Variants in ZNF423 observed in about 807,000 individuals in gnomAD.
ZNF423 encodes Ebf-associated zinc finger protein.
In ZNF423, 12 loss-of-function variants were observed where a neutral mutation model predicts 95.8. That is an observed-to-expected ratio of 0.13 (90% confidence interval 0.08 to 0.20). ZNF423 has a LOEUF of 0.20. Among genes scored for constraint, ZNF423 ranks in the 10% least tolerant of loss-of-function variants. ZNF423 has a pLI of 1.00. For synonymous variants in ZNF423, 749 were observed against 711.9 expected, an observed-to-expected ratio of 1.05 and a Z score of -0.83; for missense variants, 1,316 against 1,737.1, an observed-to-expected ratio of 0.76 and a Z score of 4.31.
At chr16:49,623,561 A>G (rs761679397) in intron 5 of ZNF423, among the ~76,000 whole-genome samples, 1 of 152,228 alleles carries the variant, frequency 6.6e-6, no homozygotes, top group Non-Finnish European at 1.5e-5. Flanking sequence ...ACATTTTTAG[A>G]TATCTTCATC....
At chr16:49,801,097 T>A in intron 1 of ZNF423, among the ~76,000 whole-genome samples, 1 of 152,164 alleles carries the variant, frequency 6.6e-6, no homozygotes, top group South Asian at 2.1e-4. Flanking sequence ...TTTTTCTTCT[T>A]CTAAAACAGT....
At chr16:49,611,149 A>G (rs1013231083) in intron 5 of ZNF423, among the ~76,000 whole-genome samples, 1 of 152,066 alleles carries the variant, frequency 6.6e-6, no homozygotes, top group African/African-American at 2.4e-5. Flanking sequence ...TCATTGACCA[A>G]CAGGATCTAA....
chr16:49,727,253 G>A (rs1447396651), intron 3 of ZNF423, among the ~76,000 whole-genome samples: 1 of 152,182 alleles, frequency 6.6e-6, no homozygotes, highest in East Asian at 1.9e-4. Context: ...TGCCACTCCT[G>A]CTGAGGACAA....
At chr16:49,506,030 A>C (rs1290652008) in intron 7 of ZNF423, among the ~76,000 whole-genome samples, 1 of 152,142 alleles carries the variant, frequency 6.6e-6, no homozygotes, top group African/African-American at 2.4e-5. Context: ...CATCCCACTC[A>C]TCTCACCAGA....
chr16:49,667,188 C>T (rs1240624869), intron 3 of ZNF423, among the ~76,000 whole-genome samples: 1 of 152,180 alleles, frequency 6.6e-6, no homozygotes, highest in Non-Finnish European at 1.5e-5. Flanking sequence ...AGTCCCTATC[C>T]CAAGGGGCAG....
At chr16:49,602,412 G>A (rs1301649607) in intron 5 of ZNF423, among the ~76,000 whole-genome samples, 2 of 152,246 alleles carry the variant, frequency 1.3e-5, no homozygotes, top group African/African-American at 2.4e-5. Flanking sequence ...AGCCCAGGCT[G>A]AGGGTGGGGG....
Position 49,855,993 on chromosome 16 carries a change from A to T in ZNF423, c.-219T>A, listed in dbSNP as rs1597067914. 1 of 148,118 alleles carries T rather than the reference A, an allele frequency of 6.8e-6. No homozygotes were observed. Among genetic ancestry groups the T allele is most frequent in the Admixed American group, 6.6e-5 (1 of 15,052 alleles). The allele number at this position is 148,118 out of a possible 1,614,324, so 9.2% of individuals were successfully genotyped here. On this transcript the variant is annotated 5_prime_UTR_variant, in exon 1 of 8. Coordinates refer to ENST00000563137, the MANE Select transcript of ZNF423 (RefSeq NM_001379286.1). The surrounding 1 kb of genome is among the most constrained non-coding windows in gnomAD (Gnocchi z 4.7). The stretch of plus-strand genomic sequence containing the variant: ...GCCGAGGCCGCTCGAAGGCGGGGGG[A>T]GGCCCGGGGGGCGCGCCGGGGCCCT...
intron 2 of ZNF423, among the ~76,000 whole-genome samples, chr16:49,770,018 C>T (rs11865138): frequency 0.5 from 76,642 of 151,812 alleles, 19,597 homozygotes; most frequent in African/African-American, 0.58. Context: ...CTGGCCACCC[C>T]TAGTGAAAGC....
intron 2 of ZNF423, among the ~76,000 whole-genome samples, chr16:49,733,177 C>T (rs1236147013): frequency 6.6e-6 from 1 of 151,678 alleles, no homozygotes; most frequent in Non-Finnish European, 1.5e-5. Flanking sequence ...GTCAAGTGCC[C>T]GTCTCCGAAA....
At position 49,635,784 on chromosome 16, in the gene ZNF423, G is replaced by A; in HGVS notation, c.3392C>T (p.Pro1131Leu). The A allele has an allele frequency of 6.2e-7, 1 of 1,612,596 alleles. No individual in the cohort carries two copies. Among genetic ancestry groups the A allele is most frequent in the Non-Finnish European group, 8.5e-7 (1 of 1,179,786 alleles). ...ADRPCAGLRC[P>L]ECSVKFESAE... is the part of the protein sequence containing the mutation. ...ACTCTCAAACTTGACACTGCACTCG[G>A]GGCAACGGAGGCCGGCACAGGGCCG... Residue 1131 changes from proline to leucine, a missense_variant, in exon 4 of 8, where the codon CCC (proline) becomes CTC (leucine). By Grantham distance (98) the Pro-to-Leu change is moderately conservative (BLOSUM62 -3). Around this residue, in one of 6 missense-constraint regions of ZNF423, gnomAD observed 620 missense variants for 775.6 expected, o/e 0.80. Coordinates refer to ENST00000563137, the MANE Select transcript of ZNF423 (RefSeq NM_001379286.1). The surrounding 1 kb of genome is among the most constrained non-coding windows in gnomAD (Gnocchi z 4.8).
intron 5 of ZNF423, among the ~76,000 whole-genome samples, chr16:49,567,383 A>G (rs1231910138): frequency 1.3e-5 from 2 of 152,248 alleles, no homozygotes; most frequent in African/African-American, 4.8e-5. Flanking sequence ...ATGCTGACGC[A>G]CAGCTCCACA....
chr16:49,520,624 C>A (rs1181513301), intron 7 of ZNF423, among the ~76,000 whole-genome samples: 1 of 152,102 alleles, frequency 6.6e-6, no homozygotes, highest in African/African-American at 2.4e-5. Context: ...TGCATAACCT[C>A]AAACTACACA....
At chr16:49,747,167 T>C (rs949210324) in intron 2 of ZNF423, among the ~76,000 whole-genome samples, 3 of 152,104 alleles carry the variant, frequency 2.0e-5, no homozygotes, top group Non-Finnish European at 4.4e-5. Flanking sequence ...TGATTTGTAA[T>C]AGCCAAAAAA....
chr16:49,635,724 T>C lies in ZNF423; in HGVS notation c.3452A>G (p.His1151Arg). Reference protein sequence around the residue: ...EDLESHMQVDHRDLTPETSGP... With the variant: ...EDLESHMQVDRRDLTPETSGP... ...ACTGGTCTCCGGCGTGAGGTCACGG[T>C]GGTCCACCTGCATGTGGCTCTCCAG... Residue 1151 changes from histidine to arginine, a missense_variant, in exon 4 of 8, where the codon CAC becomes CGC. Coordinates refer to ENST00000563137, the MANE Select transcript of ZNF423 (RefSeq NM_001379286.1). This position sits in a 1 kb window ranked among gnomAD's most constrained non-coding sequence, Gnocchi z 4.8. The C allele has an allele frequency of 1.2e-6, 2 of 1,610,340 alleles. No homozygotes were observed. The highest frequency in any genetic ancestry group is 1.7e-6 in the Non-Finnish European group (2 of 1,178,932).
chr16:49,634,338 C>T (rs1354420728), intron 4 of ZNF423, among the ~76,000 whole-genome samples: 1 of 152,014 alleles, frequency 6.6e-6, no homozygotes, highest in Non-Finnish European at 1.5e-5. Flanking sequence ...GTGTCAGCCA[C>T]AGCACCCGGC....
At chr16:49,651,674 T>C (rs909955199) in intron 3 of ZNF423, among the ~76,000 whole-genome samples, 3 of 152,204 alleles carry the variant, frequency 2.0e-5, no homozygotes, top group Non-Finnish European at 4.4e-5. Context: ...GACCCAACTA[T>C]AGAGTTGTTT....
chr16:49,697,868 T>C (rs994936610), intron 3 of ZNF423, among the ~76,000 whole-genome samples: 2 of 152,202 alleles, frequency 1.3e-5, no homozygotes, highest in East Asian at 1.9e-4. Context: ...AACCAGCCCA[T>C]TGTTGGGGAG....
chr16:49,627,971 CT>C (rs1972358506), intron 4 of ZNF423, among the ~76,000 whole-genome samples: 1 of 147,520 alleles, frequency 6.8e-6, no homozygotes, highest in African/African-American at 2.5e-5. Flanking sequence ...CATCCATCTA[CT>C]CCACCCATCC....
At chr16:49,673,053 C>T (rs2030885642) in intron 3 of ZNF423, among the ~76,000 whole-genome samples, 1 of 152,182 alleles carries the variant, frequency 6.6e-6, no homozygotes, top group African/African-American at 2.4e-5. Context: ...CTCCCACCAG[C>T]AGGTGAGGCT....
Sources: gnomAD v4.1 joint callset for allele counts (sites outside exome capture counted in the v4.1 genomes callset) on GRCh38, gnomAD v4.1.1 for gene constraint, gnomAD v4.1.1 regional missense constraint, Gnocchi (gnomAD v3.1) non-coding constraint, MANE v1.5 for transcripts, NCBI Gene and HGNC (gene_info 2026-07-23, HGNC 2026-07-21) for gene names.